Variants in DGKK observed in about 807,000 individuals in gnomAD.
DGKK encodes the protein 142 kDa diacylglycerol kinase.
Under a neutral mutation model 92.2 loss-of-function variants are expected in DGKK, and 35 were observed. The ratio of observed to expected loss-of-function variants is 0.38; its 90% CI spans 0.29 to 0.50. The LOEUF (loss-of-function observed/expected upper bound fraction) is 0.50. Among genes scored for constraint, DGKK ranks in the 20% least tolerant of loss-of-function variants. The pLI, the probability that DGKK is intolerant of heterozygous loss-of-function variation, is 0.92. For missense variants in DGKK, 910 were observed against 992.2 expected, an observed-to-expected ratio of 0.92 and a Z score of 1.11; for synonymous variants, 368 against 360.6, an observed-to-expected ratio of 1.02 and a Z score of -0.23.
chrX:50,447,356 TA>T (rs1405100558), intron 1 of DGKK, among the ~76,000 whole-genome samples: 1,860 of 10,567 alleles, frequency 0.18, 308 homozygotes, highest in African/African-American at 0.52. Flanking sequence ...TATATATATA[TA>T]ATATATATAT....
chrX:50,417,962 T>C (rs1473780996), intron 4 of DGKK, among the ~76,000 whole-genome samples: 1 of 111,505 alleles, frequency 9.0e-6, no homozygotes, highest in Non-Finnish European at 1.9e-5. Context: ...TCTGGTGAAA[T>C]GAATTCTCCC....
chrX:50,443,593 C>G (rs1280405686), intron 1 of DGKK, among the ~76,000 whole-genome samples: 1 of 110,705 alleles, frequency 9.0e-6, no homozygotes, highest in Non-Finnish European at 1.9e-5. Context: ...TCACCTAGCT[C>G]CCCCAATGTT....
At chrX:50,407,534 C>T (rs2147131149) in intron 4 of DGKK, among the ~76,000 whole-genome samples, 1 of 110,661 alleles carries the variant, frequency 9.0e-6, no homozygotes, top group Non-Finnish European at 1.9e-5. Flanking sequence ...CTTTCTTTTC[C>T]TCTTATTATA....
intron 1 of DGKK, among the ~76,000 whole-genome samples, chrX:50,435,898 A>G (rs1473056072): frequency 9.0e-6 from 1 of 111,716 alleles, no homozygotes; most frequent in Admixed American, 9.5e-5. Flanking sequence ...GGGTGATGAC[A>G]GATTGATGGG....
At position 50,378,089 on chromosome X, in the gene DGKK, C is replaced by T. The variant is rs1157605755; in HGVS notation, c.3111+9G>A. 1 of 1,202,392 alleles carries T rather than the reference C, an allele frequency of 8.3e-7. No homozygotes were observed. Among genetic ancestry groups the T allele is most frequent in the Non-Finnish European group, 1.1e-6 (1 of 892,054 alleles). On this transcript the variant is annotated intron_variant, in intron 22 of 27. Transcript: ENST00000611977. ...GTATAGGAGCCCAAGACAAGATTTT[C>T]CCCCTTACCCGATCTCTTGTCAGCA...
chrX:50,412,417 A>G (rs1191357961), intron 4 of DGKK, among the ~76,000 whole-genome samples: 2 of 112,244 alleles, frequency 1.8e-5, no homozygotes, highest in Non-Finnish European at 3.8e-5. Context: ...TGCAATCCCT[A>G]TCAAAATTCC....
At chrX:50,430,990 C>T (rs1925870534) in intron 1 of DGKK, among the ~76,000 whole-genome samples, 1 of 110,961 alleles carries the variant, frequency 9.0e-6, no homozygotes, top group Non-Finnish European at 1.9e-5. Context: ...CTCCCAAGTC[C>T]CTAAAGCTTC....
At chrX:50,422,285 A>C (rs1046102044) in intron 3 of DGKK, among the ~76,000 whole-genome samples, 161 bp downstream of exon 3, 3 of 111,380 alleles carry the variant, frequency 2.7e-5, no homozygotes, top group Non-Finnish European at 5.7e-5. Flanking sequence ...TTTCTTCCCT[A>C]TCAGTGGGCT....
chrX:50,469,502 C>T (rs1316046064), intron 1 of DGKK, among the ~76,000 whole-genome samples: 1 of 112,399 alleles, frequency 8.9e-6, no homozygotes, highest in Non-Finnish European at 1.9e-5. Context: ...AGGCGCCGGG[C>T]ACCTCCCTGG....
intron 25 of DGKK, among the ~76,000 whole-genome samples, chrX:50,373,641 T>G (rs1423949649): frequency 3.6e-5 from 4 of 112,472 alleles, no homozygotes; most frequent in African/African-American, 1.3e-4. Context: ...CCTTAGCCAC[T>G]CTGCCTCCTG....
intron 18 of DGKK, among the ~76,000 whole-genome samples, chrX:50,381,238 C>T (rs1343086482): frequency 1.8e-5 from 2 of 111,576 alleles, no homozygotes; most frequent in Non-Finnish European, 3.8e-5. Flanking sequence ...GAAGCTGAGG[C>T]GGGCGGATTG....
At chrX:50,383,281 A>T (rs1924455592) in intron 17 of DGKK, among the ~76,000 whole-genome samples, 1 of 111,282 alleles carries the variant, frequency 9.0e-6, no homozygotes, top group South Asian at 3.9e-4. Flanking sequence ...GGTTTACACC[A>T]TAAATGAATC....
chrX:50,419,687 C>T (rs1251602854), intron 4 of DGKK, among the ~76,000 whole-genome samples: 1 of 111,896 alleles, frequency 8.9e-6, no homozygotes, highest in Non-Finnish European at 1.9e-5. Flanking sequence ...AAATAAGTGA[C>T]ACAGATCTCT....
At chrX:50,399,276 A>G (rs782401583) in intron 8 of DGKK, among the ~76,000 whole-genome samples, 25 of 111,696 alleles carry the variant, frequency 2.2e-4, no homozygotes, top group Admixed American at 9.5e-4. Flanking sequence ...GTGCACATAT[A>G]TATGAGCACG....
intron 12 of DGKK, among the ~76,000 whole-genome samples, 177 bp from the exon 13 acceptor site, chrX:50,388,795 G>A (rs1924615587): frequency 8.9e-6 from 1 of 111,869 alleles, no homozygotes; most frequent in Admixed American, 9.4e-5. Context: ...GATGATCTTA[G>A]ATCTATGCGT....
chrX:50,444,462 C>T (rs73497596), intron 1 of DGKK, among the ~76,000 whole-genome samples: 2,687 of 110,395 alleles, frequency 0.024, 76 homozygotes, highest in African/African-American at 0.083. Context: ...CCCTCAAGTA[C>T]GCCCCAATGT....
intron 9 of DGKK, among the ~76,000 whole-genome samples, chrX:50,392,934 T>C (rs976466305): frequency 9.8e-5 from 11 of 112,610 alleles, no homozygotes; most frequent in African/African-American, 6.5e-5. Flanking sequence ...GACAGGGGCT[T>C]GGACATGGGC....
In DGKK at chrX:50,441,302, G is replaced by A. The variant is rs782227343; in HGVS notation, c.646-16944C>T. Among the ~76,000 whole-genome samples, 235 of 111,610 alleles carry A rather than the reference G, an allele frequency of 2.1e-3. 4 individuals carry two copies. Among genetic ancestry groups the A allele is most frequent in the African/African-American group, 7.5e-3 (230 of 30,847 alleles). ...TGCCTTGGAATCCCTGTGGTCAATC[G>A]TGGTTTACTAATTGATTCCCATATA... is the stretch of plus-strand genomic sequence containing the variant. On this transcript the variant is annotated intron_variant, in intron 1 of 27. Transcript: ENST00000611977.
intron 4 of DGKK, among the ~76,000 whole-genome samples, chrX:50,413,900 T>C (rs994907468): frequency 2.7e-5 from 3 of 111,893 alleles, no homozygotes; most frequent in African/African-American, 9.7e-5. Flanking sequence ...AAAGGGATAT[T>C]TGCACTCCCA....
Sources: gnomAD v4.1 joint callset for allele counts (sites outside exome capture counted in the v4.1 genomes callset) on GRCh38, gnomAD v4.1.1 for gene constraint, MANE v1.5 for transcripts, NCBI Gene and HGNC (gene_info 2026-07-23, HGNC 2026-07-21) for gene names.